SFMBT2: variants seen among roughly 807,000 people sequenced by gnomAD.
SFMBT2 encodes the protein scm-like with four MBT domains protein 2.
SFMBT2 carries 38 observed loss-of-function variants against 110.1 expected under a neutral mutation model. The observed-to-expected ratio is 0.35, with a 90% confidence interval of 0.27 to 0.45. The LOEUF is 0.45. SFMBT2 is among the 20% of genes least tolerant of loss of function. SFMBT2 has a pLI of 1.00. For synonymous variants in SFMBT2, 425 were observed against 425.4 expected (o/e 1.00, Z 0.01); for missense variants, 1,011 against 1,094.9 (o/e 0.92, Z 1.08).
chr10:7,389,817 T>C (rs934882706), intron 1 of SFMBT2, among the ~76,000 whole-genome samples: 2 of 152,354 alleles, frequency 1.3e-5, no homozygotes, highest in Admixed American at 1.3e-4. Context: ...TTATGATTCA[T>C]TGTACATTTT....
chr10:7,176,756 A>C (rs534958434), intron 16 of SFMBT2: 1 of 152,640 alleles, frequency 6.6e-6, no homozygotes, highest in East Asian at 1.9e-4. Context: ...ATAAGGGGAA[A>C]AAAAGAAAGA....
At chr10:7,175,253 G>A (rs1838018287) in intron 17 of SFMBT2, among the ~76,000 whole-genome samples, 1 of 152,228 alleles carries the variant, frequency 6.6e-6, no homozygotes, top group South Asian at 2.1e-4. Context: ...CAGGACTCAG[G>A]CACAGGAGGT....
intron 4 of SFMBT2, among the ~76,000 whole-genome samples, chr10:7,302,969 A>G (rs1842593377): frequency 6.6e-6 from 1 of 151,720 alleles, no homozygotes; most frequent in Non-Finnish European, 1.5e-5. Flanking sequence ...ACACTATATC[A>G]TAAAACATTT....
intron 4 of SFMBT2, among the ~76,000 whole-genome samples, chr10:7,325,277 C>G (rs1391084988): frequency 6.6e-6 from 1 of 152,114 alleles, no homozygotes. Context: ...CCCAAGGCCC[C>G]ACTTTCAAAC....
intron 1 of SFMBT2, among the ~76,000 whole-genome samples, chr10:7,384,994 C>T (rs1044442664): frequency 2.0e-5 from 3 of 152,178 alleles, no homozygotes. Context: ...AGGCTGCCTG[C>T]CAAGGGCACT....
intron 4 of SFMBT2, among the ~76,000 whole-genome samples, chr10:7,333,528 G>A (rs1453867999): frequency 6.6e-6 from 1 of 151,878 alleles, no homozygotes; most frequent in African/African-American, 2.4e-5. Context: ...GAGTAGCTGG[G>A]ACCACAGGTG....
At chr10:7,243,949 C>T (rs906590107) in intron 8 of SFMBT2, 33 of 253,994 alleles carry the variant, frequency 1.3e-4, no homozygotes, top group Non-Finnish European at 2.0e-4. Flanking sequence ...TGAGAATGAA[C>T]AAAATCAAAG....
chr10:7,309,572 T>A (rs187870332), intron 4 of SFMBT2, among the ~76,000 whole-genome samples: 1 of 152,242 alleles, frequency 6.6e-6, no homozygotes, highest in African/African-American at 2.4e-5. Context: ...GTCCCTCACA[T>A]TGGACTGTGA....
At chr10:7,229,239 T>C (rs1361234561) in intron 9 of SFMBT2, among the ~76,000 whole-genome samples, 1 of 152,190 alleles carries the variant, frequency 6.6e-6, no homozygotes, top group Non-Finnish European at 1.5e-5. Flanking sequence ...TAAGGACTTT[T>C]AGTTACTAAA....
intron 4 of SFMBT2, among the ~76,000 whole-genome samples, chr10:7,342,693 G>A (rs1030975482): frequency 3.9e-5 from 6 of 152,072 alleles, no homozygotes; most frequent in South Asian, 2.1e-4. Context: ...CACCACGCCC[G>A]GCCTGGAGTG....
At position 7,162,607 on chromosome 10, in the gene SFMBT2, T is replaced by A. The variant is rs1357434327; in HGVS notation, c.*1163A>T. The A allele has an allele frequency of 6.6e-6, 1 of 152,220 alleles. No individual in the cohort carries two copies. The highest frequency in any genetic ancestry group is 1.5e-5 in the Non-Finnish European group (1 of 68,084). The allele number at this position is 152,220 out of a possible 1,614,324, so 9.4% of individuals were successfully genotyped here. ...ATCCTTCTAAGGGGGACGTAGCTGGTTGATGAAATGCTTCCCTCACATCTC... is the reference window on the plus strand; with the variant it reads ...ATCCTTCTAAGGGGGACGTAGCTGGATGATGAAATGCTTCCCTCACATCTC... On this transcript the variant is annotated 3_prime_UTR_variant, in exon 21 of 21. Transcript: ENST00000397167.
At chr10:7,326,960 A>G (rs1843403013) in intron 4 of SFMBT2, among the ~76,000 whole-genome samples, 2 of 152,092 alleles carry the variant, frequency 1.3e-5, no homozygotes, top group South Asian at 2.1e-4. Context: ...TATTTTAGGA[A>G]AGTCACCGTA....
intron 4 of SFMBT2, among the ~76,000 whole-genome samples, chr10:7,327,233 A>G (rs1378404336): frequency 6.6e-6 from 1 of 152,074 alleles, no homozygotes; most frequent in African/African-American, 2.4e-5. Flanking sequence ...CTATTACACA[A>G]TAAAGTTGAC....
intron 9 of SFMBT2, among the ~76,000 whole-genome samples, chr10:7,228,728 TTTCTTTCC>T (rs779872545): frequency 2.5e-4 from 21 of 84,032 alleles, no homozygotes; most frequent in Non-Finnish European, 3.7e-4. Flanking sequence ...TCTTTCTTTC[TTTCTTTCC>T]TTTCTCTCTC....
intron 4 of SFMBT2, among the ~76,000 whole-genome samples, chr10:7,333,604 C>G (rs544454338): frequency 8.6e-5 from 13 of 151,584 alleles, no homozygotes; most frequent in Non-Finnish European, 1.6e-4. Context: ...TATTTTCTCA[C>G]GCTGCTAATA....
chr10:7,364,163 G>A (rs1007770254), intron 4 of SFMBT2, among the ~76,000 whole-genome samples: 3 of 152,144 alleles, frequency 2.0e-5, no homozygotes, highest in African/African-American at 7.2e-5. Flanking sequence ...CCATGAACCT[G>A]CTATTTCCTG....
intron 1 of SFMBT2, among the ~76,000 whole-genome samples, chr10:7,400,363 T>C (rs1165357386): frequency 6.6e-6 from 1 of 152,256 alleles, no homozygotes; most frequent in African/African-American, 2.4e-5. Flanking sequence ...TGTCTGTTTC[T>C]GTACAAGGCC....
chr10:7,351,188 G>C (rs1339562697), intron 4 of SFMBT2, among the ~76,000 whole-genome samples: 3 of 152,224 alleles, frequency 2.0e-5, no homozygotes, highest in Admixed American at 6.5e-5. Flanking sequence ...GCTCTCCAGT[G>C]AATAACACAC....
At chr10:7,327,680 C>CAAA (rs780856995) in intron 4 of SFMBT2, among the ~76,000 whole-genome samples, 1 of 99,136 alleles carries the variant, frequency 1.0e-5, no homozygotes, top group Non-Finnish European at 2.1e-5. Context: ...GACTCTAACT[C>CAAA]AAAAAAAAAA....
Sources: gnomAD v4.1 joint callset for allele counts (sites outside exome capture counted in the v4.1 genomes callset) on GRCh38, gnomAD v4.1.1 for gene constraint, MANE v1.5 for transcripts, NCBI Gene and HGNC (gene_info 2026-07-23, HGNC 2026-07-21) for gene names.